Variants in SDK1 observed in about 807,000 individuals in gnomAD.
SDK1 encodes protein sidekick-1.
A neutral mutation model predicts 245.5 loss-of-function variants in SDK1; 157 were observed. The observed-to-expected ratio is 0.64, with a 90% CI of 0.56 to 0.73. The LOEUF (loss-of-function observed/expected upper bound fraction) is 0.73. SDK1 is among the 30% of genes least tolerant of loss of function. The pLI is 0.00. For synonymous variants in SDK1, 1,647 were observed against 1,278.5 expected (o/e 1.29, Z -6.15); for missense variants, 3,583 against 3,002.3 (o/e 1.19, Z -4.52).
At chr7:3,861,488 T>C (rs936022207) in intron 5 of SDK1, among the ~76,000 whole-genome samples, 10 of 152,184 alleles carry the variant, frequency 6.6e-5, no homozygotes, top group African/African-American at 2.4e-4. Context: ...CAGTTTCCAC[T>C]GACCCCCTGC....
At chr7:4,101,346 A>G (rs1782526835) in intron 22 of SDK1, among the ~76,000 whole-genome samples, 1 of 151,962 alleles carries the variant, frequency 6.6e-6, no homozygotes, top group South Asian at 2.1e-4. Flanking sequence ...CGGGAGTTTC[A>G]CCGTGTTAGC....
chr7:4,191,011 T>G (rs1783172226), intron 35 of SDK1, among the ~76,000 whole-genome samples: 1 of 152,214 alleles, frequency 6.6e-6, no homozygotes, highest in Admixed American at 6.5e-5. Context: ...TCCTCTACAC[T>G]TCTGCTGGGG....
At chr7:3,424,321 T>C (rs1242113963) in intron 1 of SDK1, among the ~76,000 whole-genome samples, 3 of 152,214 alleles carry the variant, frequency 2.0e-5, no homozygotes, top group African/African-American at 7.2e-5. Context: ...ATGTAGATAT[T>C]TGGTATCTTT....
rs761000489 is a variant in SDK1, at chr7:3,951,766, T to C, written c.996T>C (p.Asn332=). ...ACCTGAGTGTGACCTGGAAGAGGAA[T>C]GGAGTGAGAATCACCAGTGGCCTCC... The part of the protein sequence containing the change: ...VEDLSVTWKR[N]GVRITSGLHS... The change falls in exon 7 of 45, where the codon AAT becomes AAC. Residue 332 remains asparagine (N), a synonymous_variant. Coordinates refer to ENST00000404826, the MANE Select transcript of SDK1 (RefSeq NM_152744.4). 1.2e-6 allele frequency: 2 copies of C among 1,613,792 alleles called. No individual in the cohort carries two copies. Among genetic ancestry groups the C allele is most frequent in the Non-Finnish European group, 1.7e-6 (2 of 1,180,014 alleles).
At position 3,368,903 on chromosome 7, in the gene SDK1, ATAAAG is replaced by A. The variant is rs202021382; in HGVS notation, c.298+67020_298+67024del. ...GCTTCCTGTACTCTCTATTATATAA[ATAAAG>A]AGCAAGGAATGGTGTGTAATTCTGT... is the stretch of plus-strand genomic sequence containing the variant. On this transcript the variant is annotated intron_variant, in intron 1 of 44. Transcript: ENST00000404826. 3.7e-3 allele frequency among the ~76,000 whole-genome samples: 560 copies of A among 152,328 alleles called. 15 individuals are homozygous for A. Among genetic ancestry groups the A allele is most frequent in the Admixed American group, 0.029 (450 of 15,298 alleles).
chr7:4,140,294 C>A (rs1347389409), intron 28 of SDK1, among the ~76,000 whole-genome samples: 1 of 152,182 alleles, frequency 6.6e-6, no homozygotes, highest in Non-Finnish European at 1.5e-5. Flanking sequence ...CCTGATGTTA[C>A]TCCCCAAGGC....
rs77050732 is a variant in SDK1, at chr7:3,441,740, A to T, written c.298+139856A>T. On this transcript the variant is annotated intron_variant, in intron 1 of 44. Transcript: ENST00000404826. Reference sequence around the variant, plus strand: ...GGATTGCATTGGATCTTGTAAATCAATTTGGGTAGAATAGACATCTTAACA... The same window carrying T: ...GGATTGCATTGGATCTTGTAAATCATTTTGGGTAGAATAGACATCTTAACA... Among the ~76,000 whole-genome samples the T allele has an allele frequency of 2.9e-3, 443 of 152,258 alleles. 3 individuals carry two copies. The East Asian group carries it at 0.037, about 13-fold the overall frequency.
intron 32 of SDK1, among the ~76,000 whole-genome samples, chr7:4,168,102 G>A (rs1316179911): frequency 6.6e-6 from 1 of 152,194 alleles, no homozygotes; most frequent in Non-Finnish European, 1.5e-5. Context: ...GCATCTCTGT[G>A]AAGCCACCGG....
At chr7:3,632,826 C>T (rs1467493607) in intron 2 of SDK1, among the ~76,000 whole-genome samples, 1 of 152,130 alleles carries the variant, frequency 6.6e-6, no homozygotes. Flanking sequence ...TAACAAATTT[C>T]AGTTTGAATT....
rs372760927 is a variant in SDK1 at position 4,094,037 on chromosome 7, C to A, written c.3324+14453C>A. Among the ~76,000 whole-genome samples, 24 of 152,178 alleles carry A rather than the reference C, an allele frequency of 1.6e-4. 1 individual carries two copies. The Middle Eastern group carries it at 0.014, about 86-fold the overall frequency. ...GGGGGCAGTCCCCTTTTTGCCTAAACGGCCAGGGTGGTTTTTTTTGTGTTT... is the reference window on the plus strand; with the variant it reads ...GGGGGCAGTCCCCTTTTTGCCTAAAAGGCCAGGGTGGTTTTTTTTGTGTTT... On this transcript the variant is annotated intron_variant, in intron 22 of 44. Transcript: ENST00000404826.
chr7:3,472,250 A>G (rs1385422094), intron 1 of SDK1, among the ~76,000 whole-genome samples: 3 of 152,230 alleles, frequency 2.0e-5, no homozygotes, highest in Non-Finnish European at 4.4e-5. Context: ...GTGCTTTTAT[A>G]ATTTTGTAAT....
chr7:3,477,189 C>CTTTTTTTTTTTTTTTTTTTTTT (rs35328849), intron 1 of SDK1, among the ~76,000 whole-genome samples: 1 of 78,626 alleles, frequency 1.3e-5, no homozygotes, highest in Non-Finnish European at 2.3e-5. Flanking sequence ...TGGTTTTCTC[C>CTTTTTTTTTTTTTTTTTTTTTT]TTTTTTTTTT....
intron 2 of SDK1, among the ~76,000 whole-genome samples, chr7:3,624,057 C>A (rs919623752): frequency 6.6e-6 from 1 of 152,088 alleles, no homozygotes; most frequent in Admixed American, 6.5e-5. Context: ...ATGAGTAGAA[C>A]CCACGTGGAA....
intron 1 of SDK1, among the ~76,000 whole-genome samples, chr7:3,579,188 G>A (rs1403854775): frequency 6.6e-6 from 1 of 151,754 alleles, no homozygotes; most frequent in Non-Finnish European, 1.5e-5. Context: ...CATTCTATAA[G>A]GCAGCATCAT....
intron 1 of SDK1, among the ~76,000 whole-genome samples, chr7:3,389,624 G>A (rs1269159924): frequency 6.6e-6 from 1 of 152,166 alleles, no homozygotes; most frequent in African/African-American, 2.4e-5. Context: ...TACAGGATAG[G>A]TGTGGTGGCT....
chr7:3,698,492 A>G (rs116504039), intron 4 of SDK1, among the ~76,000 whole-genome samples: 2 of 152,302 alleles, frequency 1.3e-5, no homozygotes, highest in Admixed American at 6.5e-5. Flanking sequence ...CTCAGTGGTG[A>G]CAAGGGCCCT....
At chr7:3,388,892 C>T (rs189990648) in intron 1 of SDK1, among the ~76,000 whole-genome samples, 1 of 152,130 alleles carries the variant, frequency 6.6e-6, no homozygotes, top group African/African-American at 2.4e-5. Flanking sequence ...ATGGAGTTTA[C>T]ATTCCAGTGG....
intron 1 of SDK1, among the ~76,000 whole-genome samples, chr7:3,422,812 C>G (rs903561872): frequency 6.6e-6 from 1 of 152,116 alleles, no homozygotes; most frequent in Admixed American, 6.5e-5. Context: ...CTGTTAATTC[C>G]TGGGAAAAAT....
At chr7:3,752,719 A>G in intron 4 of SDK1, among the ~76,000 whole-genome samples, 1 of 151,770 alleles carries the variant, frequency 6.6e-6, no homozygotes, top group South Asian at 2.1e-4. Context: ...CTTTCTTTGC[A>G]TTTTTATTAT....
Sources: allele counts gnomAD v4.1 joint callset (sites outside exome capture counted in the v4.1 genomes callset), GRCh38; gene constraint gnomAD v4.1.1; transcripts MANE v1.5; gene names NCBI Gene and HGNC (gene_info 2026-07-23, HGNC 2026-07-21).